Variants in CDKN2A observed in about 807,000 individuals in gnomAD.
CDKN2A encodes cyclin dependent kinase inhibitor 2A.
CDKN2A carries 3 observed loss-of-function variants against 11.1 expected under a neutral mutation model. The ratio of observed to expected loss-of-function variants is 0.27; its 90% confidence interval spans 0.12 to 0.70. The LOEUF (loss-of-function observed/expected upper bound fraction) is 0.70, where lower values mean the gene tolerates loss of function less well. Ranked by LOEUF, CDKN2A falls within the 30% of genes least tolerant of loss-of-function variation. CDKN2A has a pLI of 0.77. For missense variants in CDKN2A, 265 were observed against 233.6 expected, an observed-to-expected ratio of 1.13 and a Z score of -0.88; for synonymous variants, 122 against 108.1, an observed-to-expected ratio of 1.13 and a Z score of -0.80.
chr9:21,970,406 T>G (rs1587329372), intron 2 of CDKN2A: 4 of 294,540 alleles, frequency 1.4e-5, no homozygotes, highest in Non-Finnish European at 1.9e-5. Context: ...CTGAGGAGGG[T>G]CAGATTAGTT....
upstream of CDKN2A, chr9:21,975,260 C>T: frequency 1.6e-6 from 1 of 607,366 alleles, no homozygotes; most frequent in Non-Finnish European, 2.1e-6. Context: ...TGAGTGCGTT[C>T]ACTCTGTTAA....
chr9:21,981,347 G>T (rs1473102669), intron 2 of CDKN2A, among the ~76,000 whole-genome samples: 5 of 151,084 alleles, frequency 3.3e-5, no homozygotes, highest in Non-Finnish European at 5.9e-5. Context: ...AGGAAAAAAA[G>T]ATTTCAGAGT....
At chr9:21,986,581 G>A (rs988140352) in intron 2 of CDKN2A, among the ~76,000 whole-genome samples, 4 of 151,828 alleles carry the variant, frequency 2.6e-5, no homozygotes, top group Non-Finnish European at 5.9e-5. Context: ...CAACCTATCT[G>A]AGCCTCAGTC....
At chr9:21,980,825 G>T (rs1820154780) in intron 2 of CDKN2A, among the ~76,000 whole-genome samples, 1 of 150,244 alleles carries the variant, frequency 6.7e-6, no homozygotes, top group Admixed American at 6.7e-5. Flanking sequence ...CAGGCGAGGT[G>T]GCGGGCACCT....
rs546553988 is a variant in CDKN2A, at chr9:21,983,028, T to C, written c.-4+10854A>G. On this transcript the variant is annotated intron_variant, in intron 2 of 3. Transcript: ENST00000494262. ...TTGTGGACAACTCATCAATGCTTCCTTTTCTTTGAGGACTCTGCTTTAGAG... is the reference window on the plus strand; with the variant it reads ...TTGTGGACAACTCATCAATGCTTCCCTTTCTTTGAGGACTCTGCTTTAGAG... Among the ~76,000 whole-genome samples the C allele has an allele frequency of 9.2e-5, 14 of 152,250 alleles. No homozygotes were observed. The East Asian group carries it at 1.2e-3, about 13-fold the overall frequency.
exon 2 of CDKN2A, chr9:21,994,030 A>T (rs1820518053): frequency 7.9e-7 from 1 of 1,265,644 alleles, no homozygotes; most frequent in Non-Finnish European, 1.1e-6. Flanking sequence ...ACCGGCGGTT[A>T]TCTCCTCCTC....
upstream of CDKN2A, among the ~76,000 whole-genome samples, chr9:21,975,885 T>C (rs536485008): frequency 1.3e-5 from 2 of 152,296 alleles, no homozygotes; most frequent in South Asian, 2.1e-4. Context: ...CTACTGAAAA[T>C]ACCTTGCATT....
chr9:21,987,424 CACACACACAGAGAGAGAGAG>C (rs1820325807), intron 2 of CDKN2A, among the ~76,000 whole-genome samples: 1 of 119,136 alleles, frequency 8.4e-6, no homozygotes, highest in Admixed American at 8.0e-5. Context: ...CACACACACA[CACACACACAGAGAGAGAGAG>C]AGAGAGAGAG....
Position 21,974,574 on chromosome 9 carries a change from T to G in CDKN2A, c.150+104A>C, listed in dbSNP as rs747994882. 2 of 1,613,466 alleles carry G rather than the reference T, an allele frequency of 1.2e-6. No homozygotes were observed. Among genetic ancestry groups the G allele is most frequent in the Admixed American group, 3.3e-5 (2 of 60,024 alleles). On this transcript the variant is annotated intron_variant, in intron 1 of 2. Coordinates refer to ENST00000304494, the MANE Select transcript of CDKN2A (RefSeq NM_000077.5). This position sits in a 1 kb window ranked among gnomAD's most constrained non-coding sequence, Gnocchi z 5.2. Reference sequence around the variant, plus strand: ...TGAAAACTCCCCAGGAAGCCTCCCCTTTTTCCGGAGAATCGAAGCGCTACC... The same window carrying G: ...TGAAAACTCCCCAGGAAGCCTCCCCGTTTTCCGGAGAATCGAAGCGCTACC...
At chr9:21,976,013 G>C (rs1377494382), upstream of CDKN2A, among the ~76,000 whole-genome samples, 1 of 152,154 alleles carries the variant, frequency 6.6e-6, no homozygotes. Flanking sequence ...CACATCCTAA[G>C]CTAATACCTG....
At chr9:21,993,843 G>C (rs1383838652) in intron 2 of CDKN2A, 2 of 457,910 alleles carry the variant, frequency 4.4e-6, no homozygotes, top group Non-Finnish European at 8.0e-6. Flanking sequence ...GTGTGTGTGT[G>C]TGTCTTAGTC....
In CDKN2A at chr9:21,968,049, A is replaced by G. The variant is rs1475312815; in HGVS notation, c.*180T>C. The G allele has an allele frequency of 4.8e-6, 3 of 631,318 alleles. No homozygotes were observed. In the African/African-American group the frequency reaches 5.5e-5, roughly 12 times the overall value. 39.1% of individuals were successfully genotyped at this position (631,318 alleles called of 1,614,324 possible). A position where few individuals can be genotyped will look rare whatever the true frequency, so the allele number is the denominator to read the frequency against. Reference sequence around the variant, plus strand: ...TAAAAAATGATATAAATGGACATTTACGGTAGTGGGGGAAGGCATATATCT... The same window carrying G: ...TAAAAAATGATATAAATGGACATTTGCGGTAGTGGGGGAAGGCATATATCT... On this transcript the variant is annotated 3_prime_UTR_variant, in exon 3 of 3. Coordinates refer to ENST00000304494, the MANE Select transcript of CDKN2A (RefSeq NM_000077.5). This position sits in a 1 kb window ranked among gnomAD's most constrained non-coding sequence, Gnocchi z 4.7.
intron 2 of CDKN2A, among the ~76,000 whole-genome samples, chr9:21,983,476 G>T (rs1820240526): frequency 6.6e-6 from 1 of 151,854 alleles, no homozygotes; most frequent in African/African-American, 2.4e-5. Flanking sequence ...ACATCCCACT[G>T]GAAAAAGTTA....
chr9:21,990,353 G>A (rs1820398058), intron 2 of CDKN2A, among the ~76,000 whole-genome samples: 1 of 152,098 alleles, frequency 6.6e-6, no homozygotes, highest in African/African-American at 2.4e-5. Flanking sequence ...AGACCTTAAA[G>A]CCACGTTCTC....
At chr9:21,989,544 T>A (rs1315344853) in intron 2 of CDKN2A, 2 of 152,034 alleles carry the variant, frequency 1.3e-5, no homozygotes, top group African/African-American at 4.8e-5. Flanking sequence ...CACTCTTGGG[T>A]CTCCATCTGG....
At position 21,991,723 on chromosome 9, in the gene CDKN2A, C is replaced by T. The variant is rs1364409312; in HGVS notation, c.-4+2159G>A. On this transcript the variant is annotated intron_variant, in intron 2 of 3. Transcript: ENST00000494262. The surrounding 1 kb of genome is among the most constrained non-coding windows in gnomAD (Gnocchi z 5.2). Reference sequence around the variant, plus strand: ...ACGGTAATAGGCTATGTTGTTGCTACCTTAGGATCATAATGGACTTTCTAA... The same window carrying T: ...ACGGTAATAGGCTATGTTGTTGCTATCTTAGGATCATAATGGACTTTCTAA... 1.0e-6 allele frequency: 1 copy of T among 983,560 alleles called. No individual in the cohort carries two copies. The highest frequency in any genetic ancestry group is 1.2e-6 in the Non-Finnish European group (1 of 828,516). 60.9% of individuals were successfully genotyped at this position (983,560 alleles called of 1,614,324 possible). A position where few individuals can be genotyped will look rare whatever the true frequency, so the allele number is the denominator to read the frequency against.
intron 2 of CDKN2A, among the ~76,000 whole-genome samples, chr9:21,985,575 T>C (rs1048487463): frequency 6.6e-6 from 1 of 151,990 alleles, no homozygotes. Context: ...TCTTCAGTGA[T>C]TCCTTTGGAA....
Position 21,991,587 on chromosome 9 carries a change from C to A in CDKN2A, c.-4+2295G>T, listed in dbSNP as rs918834259. The A allele has an allele frequency of 1.3e-5, 12 of 906,150 alleles. No homozygotes were observed. Among genetic ancestry groups the A allele is most frequent in the South Asian group, 5.1e-5 (1 of 19,766 alleles). The allele number at this position is 906,150 out of a possible 1,614,324, so 56.1% of individuals were successfully genotyped here. A position where few individuals can be genotyped will look rare whatever the true frequency, so the allele number is the denominator to read the frequency against. ...AGTATTTTTGATACCATTTGTATCA[C>A]TTTAGTAATAGGAGTTTTTCATATG... On this transcript the variant is annotated intron_variant, in intron 2 of 3. Transcript: ENST00000494262. The surrounding 1 kb of genome is among the most constrained non-coding windows in gnomAD (Gnocchi z 5.2).
chr9:21,987,432 C>CAG (rs57973132), intron 2 of CDKN2A, among the ~76,000 whole-genome samples: 38 of 138,268 alleles, frequency 2.7e-4, no homozygotes, highest in Admixed American at 7.9e-4. Flanking sequence ...CACACACACA[C>CAG]AGAGAGAGAG....
Sources: gnomAD v4.1 joint callset for allele counts (sites outside exome capture counted in the v4.1 genomes callset) on GRCh38, gnomAD v4.1.1 for gene constraint, Gnocchi (gnomAD v3.1) non-coding constraint, MANE v1.5 for transcripts, NCBI Gene and HGNC (gene_info 2026-07-23, HGNC 2026-07-21) for gene names.